The following SCARF1 variants were observed in gnomAD, a reference collection of about 807,000 sequenced individuals.
SCARF1 encodes the protein acetyl LDL receptor.
A neutral mutation model predicts 76.3 loss-of-function variants in SCARF1; 49 were observed. That is an observed-to-expected ratio of 0.64 (90% confidence interval 0.51 to 0.81). SCARF1 has a LOEUF of 0.81. Among genes scored for constraint, SCARF1 ranks in the 40% least tolerant of loss-of-function variants. SCARF1 has a pLI of 0.00. For synonymous variants in SCARF1, 495 were observed against 474.6 expected (o/e 1.04, Z -0.56); for missense variants, 1,098 against 1,143.9 (o/e 0.96, Z 0.58).
intron 8 of SCARF1, 26 bp downstream of exon 8, chr17:1,638,780 T>C (rs1300578827): frequency 6.3e-7 from 1 of 1,588,940 alleles, no homozygotes; most frequent in African/African-American, 1.3e-5. Context: ...CTGAGCTGTG[T>C]GGGGAAGGGA....
chr17:1,642,160 TTC>T (rs576388995), intron 4 of SCARF1, among the ~76,000 whole-genome samples: 483 of 151,426 alleles, frequency 3.2e-3, no homozygotes, highest in African/African-American at 0.011. Flanking sequence ...TTTTTTAATT[TTC>T]TTTTTTTAAA....
At chr17:1,641,606 A>G (rs1338264421) in intron 4 of SCARF1, among the ~76,000 whole-genome samples, 1 of 152,196 alleles carries the variant, frequency 6.6e-6, no homozygotes, top group Non-Finnish European at 1.5e-5. Flanking sequence ...TCTCCCTCAG[A>G]TGCTTAACTA....
chr17:1,644,871 T>A lies in SCARF1; in HGVS notation c.228A>T (p.Arg76=). ...GGGCCCCAAAGAATCCAGGCTTGCA[T>A]CGACAGAGGCCCGGCTTCACACACA... The part of the protein sequence containing the change: ...DEVCVKPGLC[R]CKPGFFGAHC... The change falls in exon 3 of 11, where the codon CGA becomes CGT. Residue 76 remains arginine (R), a synonymous_variant. Coordinates refer to ENST00000263071, the MANE Select transcript of SCARF1 (RefSeq NM_003693.4). This position sits in a 1 kb window ranked among gnomAD's most constrained non-coding sequence, Gnocchi z 4.8. 1 of 1,613,448 alleles carries A rather than the reference T, an allele frequency of 6.2e-7. No homozygotes were observed. The highest frequency in any genetic ancestry group is 1.1e-5 in the South Asian group (1 of 91,040).
In SCARF1 at chr17:1,645,475, C is replaced by G. The variant is rs1274173770; in HGVS notation, c.101+122G>C. On this transcript the variant is annotated intron_variant, in intron 1 of 10. Coordinates refer to ENST00000263071, the MANE Select transcript of SCARF1 (RefSeq NM_003693.4). This position sits in a 1 kb window ranked among gnomAD's most constrained non-coding sequence, Gnocchi z 6.3. ...GCCATCAGCAGTCCCTTCCTTTCAG[C>G]CTAAGCCCCCTTCCTAGTCTCCTCC... 6.5e-7 allele frequency: 1 copy of G among 1,528,204 alleles called. No individual in the cohort carries two copies. Among genetic ancestry groups the G allele is most frequent in the Non-Finnish European group, 8.7e-7 (1 of 1,144,154 alleles). 94.7% of individuals were successfully genotyped at this position (1,528,204 alleles called of 1,614,324 possible). A position where few individuals can be genotyped will look rare whatever the true frequency, so the allele number is the denominator to read the frequency against.
At position 1,643,688 on chromosome 17, in the gene SCARF1, T is replaced by C; in HGVS notation, c.545A>G (p.Lys182Arg). The change falls in exon 4 of 11, where the codon AAG (lysine) becomes AGG (arginine). Residue 182 changes from lysine to arginine, a missense_variant. By Grantham distance (26) the Lys-to-Arg change is conservative. Coordinates refer to ENST00000263071, the MANE Select transcript of SCARF1 (RefSeq NM_003693.4). The stretch of plus-strand genomic sequence containing the variant: ...GCAGCGGCGCCCCCACCAGCCCGGC[T>C]TGCACACGCAGGCGCCCGTGGCCTG... ...CEQATGACVC[K>R]PGWWGRRCSF... The C allele has an allele frequency of 1.4e-6, 2 of 1,455,150 alleles. No homozygotes were observed. The highest frequency in any genetic ancestry group is 1.8e-6 in the Non-Finnish European group (2 of 1,111,592). 90.1% of individuals were successfully genotyped at this position (1,455,150 alleles called of 1,614,324 possible).
Position 1,634,681 on chromosome 17 carries a change from C to G in SCARF1, c.*77G>C. On this transcript the variant is annotated 3_prime_UTR_variant, in exon 11 of 11. Transcript: ENST00000263071. ...GGCGCAGAGGCTCTGGTTTGTCTGT[C>G]CTGGCCCCGGGATCATTTTCCAGCA... 2.0e-6 allele frequency: 3 copies of G among 1,499,030 alleles called. No homozygotes were observed. The highest frequency in any genetic ancestry group is 2.7e-6 in the Non-Finnish European group (3 of 1,122,104). The allele number at this position is 1,499,030 out of a possible 1,614,324, so 92.9% of individuals were successfully genotyped here.
chr17:1,644,369 C>T lies in SCARF1; in HGVS notation c.266-402G>A, dbSNP rs370195976. On this transcript the variant is annotated intron_variant, in intron 3 of 10. Transcript: ENST00000263071. This position sits in a 1 kb window ranked among gnomAD's most constrained non-coding sequence, Gnocchi z 4.8. Reference sequence around the variant, plus strand: ...GCCTGGATACTGCCCGCCAGGGTGTCGGGAGAAGCCACCTTTCCCCTAGTG... The same window carrying T: ...GCCTGGATACTGCCCGCCAGGGTGTTGGGAGAAGCCACCTTTCCCCTAGTG... 7 of 266,996 alleles carry T rather than the reference C, an allele frequency of 2.6e-5. No individual in the cohort carries two copies. Among genetic ancestry groups the T allele is most frequent in the Admixed American group, 9.9e-5 (2 of 20,190 alleles). The allele number at this position is 266,996 out of a possible 1,614,324, so 16.5% of individuals were successfully genotyped here. A position where few individuals can be genotyped will look rare whatever the true frequency, so the allele number is the denominator to read the frequency against.
chr17:1,639,733 G>A lies in SCARF1; in HGVS notation c.1149C>T (p.Ala383=). 5.6e-6 allele frequency: 9 copies of A among 1,601,948 alleles called. No individual in the cohort carries two copies. The highest frequency in any genetic ancestry group is 6.8e-6 in the Non-Finnish European group (8 of 1,174,702). The change falls in exon 7 of 11, where the codon GCC becomes GCT. Residue 383 remains alanine (A), a synonymous_variant. Transcript: ENST00000263071. ...SAGYWGPSCN[A]SCPAGFHGNN... The stretch of plus-strand genomic sequence containing the variant: ...TTCCATGGAAACCGGCTGGGCAGGA[G>A]GCGTTGCAGCTATGGAGTGACATGG...
intron 9 of SCARF1, 21 bp from the exon 10 acceptor site, chr17:1,636,876 G>A: frequency 1.2e-6 from 2 of 1,613,784 alleles, no homozygotes; most frequent in Non-Finnish European, 1.7e-6. Context: ...TCCAGATCAG[G>A]CGCCTGCAGG....
chr17:1,641,185 C>T (rs566190037), intron 4 of SCARF1, among the ~76,000 whole-genome samples: 28 of 152,236 alleles, frequency 1.8e-4, no homozygotes, highest in Non-Finnish European at 3.4e-4. Flanking sequence ...TGGGCGACAG[C>T]GTAGAGATGA....
In SCARF1 at chr17:1,636,822, T is replaced by C; in HGVS notation, c.1520A>G (p.His507Arg). ...SHHDPEVPFN[H>R]SFIEPPSAGW... The stretch of plus-strand genomic sequence containing the variant: ...GGCAGAGGGCGGCTCGATGAAGCTG[T>C]GGTTGAAGGGGACCTCCGGGTCGTG... The change falls in exon 10 of 11, where the codon CAC (histidine) becomes CGC (arginine). Residue 507 changes from histidine (H) to arginine (R), a missense_variant. By Grantham distance (29) the His-to-Arg change is conservative. Transcript: ENST00000263071. The C allele has an allele frequency of 1.2e-6, 2 of 1,613,712 alleles. No homozygotes were observed. Among genetic ancestry groups the C allele is most frequent in the Non-Finnish European group, 8.5e-7 (1 of 1,179,894 alleles).
At position 1,640,948 on chromosome 17, in the gene SCARF1, G is replaced by T. The variant is rs1029355419; in HGVS notation, c.792-282C>A. On this transcript the variant is annotated intron_variant, in intron 4 of 10. Coordinates refer to ENST00000263071, the MANE Select transcript of SCARF1 (RefSeq NM_003693.4). This position sits in a 1 kb window ranked among gnomAD's most constrained non-coding sequence, Gnocchi z 4.7. ...CCAGCAGCCCAGCCAGGGCAGGCGAGTCACCACCAAGCTCTGAGTCCCATT... is the reference window on the plus strand; with the variant it reads ...CCAGCAGCCCAGCCAGGGCAGGCGATTCACCACCAAGCTCTGAGTCCCATT... Among the ~76,000 whole-genome samples, 2 of 152,158 alleles carry T rather than the reference G, an allele frequency of 1.3e-5. No homozygotes were observed. Among genetic ancestry groups the T allele is most frequent in the African/African-American group, 4.8e-5 (2 of 41,422 alleles).
chr17:1,640,225 TC>T lies in SCARF1; in HGVS notation c.1011-186del. The stretch of plus-strand genomic sequence containing the variant: ...AATCCAGCAGGTGACAGACTACAAG[TC>T]CCCAGAGGGCGAGGAGGGCAGGAAG... On this transcript the variant is annotated intron_variant, in intron 5 of 10. Transcript: ENST00000263071. This position sits in a 1 kb window ranked among gnomAD's most constrained non-coding sequence, Gnocchi z 4.7. The T allele has an allele frequency of 1.3e-6, 1 of 792,164 alleles. No homozygotes were observed. Among genetic ancestry groups the T allele is most frequent in the Non-Finnish European group, 2.0e-6 (1 of 510,076 alleles). 49.1% of individuals were successfully genotyped at this position (792,164 alleles called of 1,614,324 possible).
In SCARF1 at chr17:1,645,031, G is replaced by T; in HGVS notation, c.164-96C>A. On this transcript the variant is annotated intron_variant, in intron 2 of 10. Coordinates refer to ENST00000263071, the MANE Select transcript of SCARF1 (RefSeq NM_003693.4). This position sits in a 1 kb window ranked among gnomAD's most constrained non-coding sequence, Gnocchi z 6.3. ...TCCAGGGGCCATGCCTCCTCAAGAG[G>T]TGCCCCTTCAGGCCTGGGGGTGCGT... 1 of 1,528,678 alleles carries T rather than the reference G, an allele frequency of 6.5e-7. No homozygotes were observed. Among genetic ancestry groups the T allele is most frequent in the Non-Finnish European group, 9.0e-7 (1 of 1,117,136 alleles). The allele number at this position is 1,528,678 out of a possible 1,614,324, so 94.7% of individuals were successfully genotyped here. A position where few individuals can be genotyped will look rare whatever the true frequency, so the allele number is the denominator to read the frequency against.
At position 1,640,934 on chromosome 17, in the gene SCARF1, G is replaced by A. The variant is rs559102213; in HGVS notation, c.792-268C>T. Among the ~76,000 whole-genome samples the A allele has an allele frequency of 1.4e-4, 21 of 152,264 alleles. No individual in the cohort carries two copies. The East Asian group carries it at 2.7e-3, about 20-fold the overall frequency. ...AGGACCATCAGGAGCCAGCAGCCCA[G>A]CCAGGGCAGGCGAGTCACCACCAAG... On this transcript the variant is annotated intron_variant, in intron 4 of 10. Coordinates refer to ENST00000263071, the MANE Select transcript of SCARF1 (RefSeq NM_003693.4). The surrounding 1 kb of genome is among the most constrained non-coding windows in gnomAD (Gnocchi z 4.7).
chr17:1,634,602 C>CCTGGCCA lies in SCARF1; in HGVS notation c.*155_*156insTGGCCAG. The CCTGGCCA allele has an allele frequency of 9.7e-7, 1 of 1,027,550 alleles. No individual in the cohort carries two copies. Among genetic ancestry groups the CCTGGCCA allele is most frequent in the South Asian group, 2.0e-5 (1 of 49,424 alleles). 63.7% of individuals were successfully genotyped at this position (1,027,550 alleles called of 1,614,324 possible). A position where few individuals can be genotyped will look rare whatever the true frequency, so the allele number is the denominator to read the frequency against. On this transcript the variant is annotated 3_prime_UTR_variant, in exon 11 of 11. Coordinates refer to ENST00000263071, the MANE Select transcript of SCARF1 (RefSeq NM_003693.4). ...AGGCCTTCCTGGGCCCCTCCGGGAGCACTGCCAGGGGCCTGGGCCAACTGG... is the reference window on the plus strand; with the variant it reads ...AGGCCTTCCTGGGCCCCTCCGGGAGCCTGGCCAACTGCCAGGGGCCTGGGCCAACTGG...
chr17:1,634,811 C>T lies in SCARF1; in HGVS notation c.2440G>A (p.Glu814Lys). 6.2e-7 allele frequency: 1 copy of T among 1,612,934 alleles called. No individual in the cohort carries two copies. Among genetic ancestry groups the T allele is most frequent in the Non-Finnish European group, 8.5e-7 (1 of 1,179,348 alleles). The change falls in exon 11 of 11, where the codon GAG becomes AAG. Residue 814 changes from glutamate (E) to lysine (K), a missense_variant. Glu to Lys is a moderately conservative substitution (Grantham distance 56). Transcript: ENST00000263071. The part of the protein sequence containing the change: ...PQKQAEEERQ[E>K]EPEYENVVPI... ...ACAACATTCTCATACTCAGGTTCCT[C>T]CTGCCTTTCCTCTTCAGCCTGCTTC...
chr17:1,635,167 G>A lies in SCARF1; in HGVS notation c.2084C>T (p.Ala695Val), dbSNP rs571159389. The A allele has an allele frequency of 1.2e-6, 2 of 1,613,522 alleles. No individual in the cohort carries two copies. The highest frequency in any genetic ancestry group is 2.2e-5 in the South Asian group (2 of 91,088). The change falls in exon 11 of 11, where the codon GCA becomes GTA. Residue 695 changes from alanine to valine, a missense_variant. Coordinates refer to ENST00000263071, the MANE Select transcript of SCARF1 (RefSeq NM_003693.4). ...SGPVTTIYML[A>V]GKPRGSEGPV... ...GCCTTCGGATCCGCGGGGCTTCCCT[G>A]CCAGCATGTAGATCGTGGTCACAGG...
Position 1,636,745 on chromosome 17 carries a change from C to T in SCARF1, c.1597G>A (p.Asp533Asn), listed in dbSNP as rs144386166. Residue 533 changes from aspartate (D) to asparagine (N), a missense_variant, in exon 10 of 11, where the codon GAT (aspartate) becomes AAT (asparagine). By Grantham distance (23) the Asp-to-Asn change is conservative (BLOSUM62 1). Transcript: ENST00000263071. The part of the protein sequence containing the change: ...FSSDPESGEA[D>N]EVPAYCVPPQ... ...GGCACACAGTAGGCAGGAACCTCAT[C>T]TGCCTCTCCAGACTCAGGATCGGAT... The T allele has an allele frequency of 1.1e-4, 176 of 1,614,136 alleles. No homozygotes were observed. The African/African-American group carries it at 2.2e-3, about 20-fold the overall frequency.
Sources: allele counts gnomAD v4.1 joint callset (sites outside exome capture counted in the v4.1 genomes callset), GRCh38; gene constraint gnomAD v4.1.1; non-coding constraint Gnocchi (gnomAD v3.1); transcripts MANE v1.5; gene names NCBI Gene and HGNC (gene_info 2026-07-23, HGNC 2026-07-21).